Variants in PIP5K1B observed in about 807,000 individuals in gnomAD.
The protein encoded by PIP5K1B is phosphatidylinositol 4-phosphate 5-kinase type-1 beta.
A neutral mutation model predicts 67.0 loss-of-function variants in PIP5K1B; 42 were observed. The observed-to-expected ratio is 0.63, with a 90% confidence interval of 0.49 to 0.81. The LOEUF is 0.81. Ranked by LOEUF, PIP5K1B falls within the 30% of genes least tolerant of loss-of-function variation. The probability of loss-of-function intolerance (pLI) is 0.00; values close to 1 mark genes in which losing one functional copy is unlikely to be tolerated. For missense variants in PIP5K1B, 459 were observed against 646.3 expected (o/e 0.71, Z 3.14); for synonymous variants, 214 against 231.4 (o/e 0.92, Z 0.68).
At chr9:68,769,704 A>G (rs1400405145) in intron 2 of PIP5K1B, among the ~76,000 whole-genome samples, 3 of 151,838 alleles carry the variant, frequency 2.0e-5, no homozygotes, top group Non-Finnish European at 4.4e-5. Flanking sequence ...CCTTTTTTGT[A>G]TCATCGGTAT....
At chr9:68,808,522 G>C (rs1832993192) in intron 2 of PIP5K1B, among the ~76,000 whole-genome samples, 1 of 152,196 alleles carries the variant, frequency 6.6e-6, no homozygotes, top group South Asian at 2.1e-4. Flanking sequence ...ATGAAAGGCT[G>C]TGAGTTACAT....
chr9:68,863,566 A>T (rs1823211433), intron 4 of PIP5K1B, among the ~76,000 whole-genome samples: 1 of 152,216 alleles, frequency 6.6e-6, no homozygotes, highest in African/African-American at 2.4e-5. Flanking sequence ...TAATGTAAGA[A>T]ATTATTATGG....
chr9:68,944,454 A>G (rs1827706830), intron 14 of PIP5K1B, among the ~76,000 whole-genome samples: 1 of 152,258 alleles, frequency 6.6e-6, no homozygotes, highest in Non-Finnish European at 1.5e-5. Flanking sequence ...ACTTCATTCC[A>G]GTGCACCTAT....
intron 6 of PIP5K1B, among the ~76,000 whole-genome samples, chr9:68,885,978 G>A (rs1418690170): frequency 3.9e-5 from 6 of 152,106 alleles, no homozygotes; most frequent in Non-Finnish European, 7.4e-5. Flanking sequence ...TCAGGAGATC[G>A]AGACCATCCT....
chr9:68,945,025 G>A (rs114478258), intron 14 of PIP5K1B, among the ~76,000 whole-genome samples: 1 of 150,952 alleles, frequency 6.6e-6, no homozygotes, highest in African/African-American at 2.4e-5. Flanking sequence ...TTGGTTGGTT[G>A]GTTTTTTTCC....
intron 12 of PIP5K1B, 152 bp from the exon 13 acceptor site, chr9:68,934,738 A>G (rs1827167401): frequency 4.3e-6 from 2 of 469,230 alleles, no homozygotes; most frequent in East Asian, 7.3e-5. Flanking sequence ...AAACAAGTTC[A>G]TCTCCCTTTC....
intron 7 of PIP5K1B, among the ~76,000 whole-genome samples, chr9:68,893,188 G>A (rs1200566085): frequency 6.6e-6 from 1 of 152,074 alleles, no homozygotes; most frequent in Non-Finnish European, 1.5e-5. Context: ...TGAGAGCAGT[G>A]GTTTTCTCAA....
chr9:68,956,561 C>A (rs1041375116), intron 14 of PIP5K1B, among the ~76,000 whole-genome samples: 11 of 152,192 alleles, frequency 7.2e-5, no homozygotes, highest in African/African-American at 2.7e-4. Flanking sequence ...CAAGAAAGAA[C>A]ACGAGTTAAA....
intron 4 of PIP5K1B, among the ~76,000 whole-genome samples, chr9:68,857,172 A>C (rs571578138): frequency 9.2e-5 from 14 of 152,300 alleles, no homozygotes; most frequent in African/African-American, 2.9e-4. Context: ...GCCTTGTCAA[A>C]ACCCTGATTT....
intron 15 of PIP5K1B, among the ~76,000 whole-genome samples, chr9:68,995,121 G>T (rs1830547178): frequency 6.6e-6 from 1 of 151,160 alleles, no homozygotes; most frequent in Admixed American, 6.6e-5. Context: ...CCCAGCCTAG[G>T]CAATGGAGTG....
At chr9:68,831,339 T>C (rs1407632070) in intron 4 of PIP5K1B, among the ~76,000 whole-genome samples, 1 of 152,230 alleles carries the variant, frequency 6.6e-6, no homozygotes, top group Non-Finnish European at 1.5e-5. Context: ...CCGCTATCAT[T>C]CTAAGCACTT....
chr9:69,004,390 C>T (rs1564311861), intron 15 of PIP5K1B, among the ~76,000 whole-genome samples: 1 of 149,818 alleles, frequency 6.7e-6, no homozygotes, highest in Non-Finnish European at 1.5e-5. Flanking sequence ...CACCTGGGGA[C>T]AGAGCTGAAA....
chr9:69,002,088 A>G (rs1830845091), intron 15 of PIP5K1B, among the ~76,000 whole-genome samples: 1 of 152,214 alleles, frequency 6.6e-6, no homozygotes, highest in African/African-American at 2.4e-5. Context: ...GGATGCTTTA[A>G]TGAGGCATCT....
At chr9:68,953,450 A>G (rs1395208375) in intron 14 of PIP5K1B, among the ~76,000 whole-genome samples, 1 of 151,802 alleles carries the variant, frequency 6.6e-6, no homozygotes, top group Non-Finnish European at 1.5e-5. Context: ...CATGTTCTAT[A>G]CTGGAGGTTT....
intron 4 of PIP5K1B, among the ~76,000 whole-genome samples, chr9:68,849,984 GAA>G (rs1822402112): frequency 6.6e-6 from 1 of 152,144 alleles, no homozygotes; most frequent in Non-Finnish European, 1.5e-5. Context: ...TATGCGCTTG[GAA>G]TATAGATCAA....
At chr9:68,864,070 G>T (rs10869434) in intron 5 of PIP5K1B, 103 bp downstream of exon 5, 462,706 of 1,058,356 alleles carry the variant, frequency 0.44, 103,746 homozygotes, top group Middle Eastern at 0.48. Context: ...TATATGTACA[G>T]ATGTGAATAT....
At chr9:68,995,674 G>A (rs1364500431) in intron 15 of PIP5K1B, among the ~76,000 whole-genome samples, 2 of 152,048 alleles carry the variant, frequency 1.3e-5, no homozygotes, top group Admixed American at 6.6e-5. Flanking sequence ...GCGTGGTGGT[G>A]CATGCCTGTA....
At chr9:68,958,610 AT>A (rs1157963763) in intron 14 of PIP5K1B, among the ~76,000 whole-genome samples, 2 of 152,174 alleles carry the variant, frequency 1.3e-5, no homozygotes, top group Non-Finnish European at 2.9e-5. Context: ...ACTAGATATA[AT>A]TCTTTGCTTT....
Position 68,863,828 on chromosome 9 carries a change from T to G in PIP5K1B, c.70-9T>G. Reference sequence around the variant, plus strand: ...AAGACTAATGTTGAGACCCTTGTTTTCTTTGCAGACTGCATCATCTGCTAT... The same window carrying G: ...AAGACTAATGTTGAGACCCTTGTTTGCTTTGCAGACTGCATCATCTGCTAT... On this transcript the variant is annotated splice_polypyrimidine_tract_variant and intron_variant, in intron 4 of 15. Transcript: ENST00000265382. The G allele has an allele frequency of 1.9e-6, 3 of 1,613,238 alleles. No individual in the cohort carries two copies. Among genetic ancestry groups the G allele is most frequent in the Non-Finnish European group, 2.5e-6 (3 of 1,179,496 alleles).
Sources: allele counts gnomAD v4.1 joint callset (sites outside exome capture counted in the v4.1 genomes callset), GRCh38; gene constraint gnomAD v4.1.1; transcripts MANE v1.5; gene names NCBI Gene and HGNC (gene_info 2026-07-23, HGNC 2026-07-21).